Variants in CSMD1 observed in about 807,000 individuals in gnomAD.
CSMD1 encodes the protein CUB and Sushi multiple domains 1.
Under a neutral mutation model 417.5 loss-of-function variants are expected in CSMD1, and 213 were observed. The ratio of observed to expected loss-of-function variants is 0.51; its 90% CI spans 0.46 to 0.57. CSMD1 has a LOEUF of 0.57. Ranked by LOEUF, CSMD1 falls within the 20% of genes least tolerant of loss-of-function variation. The pLI is 0.00. For missense variants in CSMD1, 6,923 were observed against 4,529.7 expected, an observed-to-expected ratio of 1.53 and a Z score of -15.17; for synonymous variants, 2,862 against 1,736.8, an observed-to-expected ratio of 1.65 and a Z score of -16.11.
At chr8:3,969,880 C>G (rs546378953) in intron 5 of CSMD1, among the ~76,000 whole-genome samples, 9 of 152,252 alleles carry the variant, frequency 5.9e-5, no homozygotes, top group African/African-American at 1.9e-4. Context: ...AATTAGAAAG[C>G]AAAGCTCTGG....
At chr8:3,751,732 G>C (rs181656770) in intron 6 of CSMD1, among the ~76,000 whole-genome samples, 29 of 151,968 alleles carry the variant, frequency 1.9e-4, no homozygotes, top group Non-Finnish European at 2.9e-4. Flanking sequence ...TCTTGGAGCA[G>C]CTTCAAAGTT....
intron 3 of CSMD1, among the ~76,000 whole-genome samples, chr8:4,280,748 C>T (rs1238511070): frequency 5.9e-5 from 9 of 151,852 alleles, no homozygotes; most frequent in African/African-American, 2.2e-4. Flanking sequence ...TTCCTAGTAC[C>T]CATATTTTTA....
At chr8:3,212,397 A>G (rs773327998) in intron 30 of CSMD1, among the ~76,000 whole-genome samples, 1 of 152,136 alleles carries the variant, frequency 6.6e-6, no homozygotes, top group Non-Finnish European at 1.5e-5. Flanking sequence ...TGCCCAGGCT[A>G]TAGTGCAGTG....
chr8:4,969,971 T>TA (rs1810134629), intron 1 of CSMD1, among the ~76,000 whole-genome samples: 1 of 151,630 alleles, frequency 6.6e-6, no homozygotes, highest in South Asian at 2.1e-4. Flanking sequence ...GTATTTTACA[T>TA]ACGTACCATG....
chr8:4,214,388 C>T (rs576460599), intron 3 of CSMD1, among the ~76,000 whole-genome samples: 1 of 152,282 alleles, frequency 6.6e-6, no homozygotes, highest in South Asian at 2.1e-4. Flanking sequence ...ACCTCTGCCT[C>T]CTGGATTCAA....
chr8:3,328,596 T>C (rs1433411588), intron 23 of CSMD1, among the ~76,000 whole-genome samples: 1 of 152,228 alleles, frequency 6.6e-6, no homozygotes, highest in Admixed American at 6.5e-5. Context: ...CGCTCCAATG[T>C]ACATATAGTG....
chr8:4,467,304 A>T (rs1385042557), intron 2 of CSMD1, among the ~76,000 whole-genome samples: 1 of 152,162 alleles, frequency 6.6e-6, no homozygotes, highest in Non-Finnish European at 1.5e-5. Context: ...GGAAAGGAGG[A>T]GTCACTATAC....
chr8:4,915,161 T>A (rs1331137711), intron 1 of CSMD1, among the ~76,000 whole-genome samples: 1 of 152,128 alleles, frequency 6.6e-6, no homozygotes, highest in Admixed American at 6.6e-5. Flanking sequence ...ATGCTTATGA[T>A]TATATATATA....
intron 41 of CSMD1, among the ~76,000 whole-genome samples, chr8:3,137,316 CAAAT>C (rs1254119557): frequency 3.9e-5 from 6 of 152,314 alleles, no homozygotes; most frequent in Middle Eastern, 3.4e-3. Flanking sequence ...AGACCTCAAA[CAAAT>C]AAAGGCAAGC....
In CSMD1 at chr8:4,817,774, T is replaced by C. The variant is rs1305964066; in HGVS notation, c.85+176558A>G. Reference sequence around the variant, plus strand: ...TATCACGCTGAGTAGGTACTCTCAATGTGATTAGAAATACACCATCATGAG... The same window carrying C: ...TATCACGCTGAGTAGGTACTCTCAACGTGATTAGAAATACACCATCATGAG... On this transcript the variant is annotated intron_variant, in intron 1 of 69. Coordinates refer to ENST00000635120, the MANE Select transcript of CSMD1 (RefSeq NM_033225.6). Among the ~76,000 whole-genome samples the C allele has an allele frequency of 2.6e-5, 4 of 152,238 alleles. No individual in the cohort carries two copies. In the East Asian group the frequency reaches 5.8e-4, roughly 22 times the overall value.
intron 10 of CSMD1, among the ~76,000 whole-genome samples, chr8:3,502,261 A>G (rs1796633916): frequency 6.7e-6 from 1 of 150,304 alleles, no homozygotes; most frequent in South Asian, 2.2e-4. Flanking sequence ...GCTACTCGGG[A>G]GGCTGAGGCA....
chr8:4,826,913 C>T (rs1215272156), intron 1 of CSMD1, among the ~76,000 whole-genome samples: 2 of 152,146 alleles, frequency 1.3e-5, no homozygotes, highest in Non-Finnish European at 2.9e-5. Context: ...AATCTGAGCA[C>T]TTATCTAGTG....
intron 1 of CSMD1, among the ~76,000 whole-genome samples, chr8:4,728,717 G>A (rs944972134): frequency 1.4e-4 from 22 of 151,812 alleles, no homozygotes; most frequent in Admixed American, 3.3e-4. Context: ...ATTTGTGATC[G>A]TATTTCAGTA....
intron 3 of CSMD1, among the ~76,000 whole-genome samples, chr8:4,180,338 A>G (rs946570200): frequency 1.2e-4 from 18 of 150,872 alleles, no homozygotes; most frequent in East Asian, 2.0e-4. Flanking sequence ...CAAAAAACCA[A>G]ACAATGCATG....
At chr8:4,029,086 T>C (rs1797210943) in intron 4 of CSMD1, among the ~76,000 whole-genome samples, 1 of 152,202 alleles carries the variant, frequency 6.6e-6, no homozygotes, top group African/African-American at 2.4e-5. Context: ...TCTTAAAATA[T>C]ACACATTAAA....
chr8:4,209,708 T>C (rs185059520), intron 3 of CSMD1, among the ~76,000 whole-genome samples: 28 of 152,204 alleles, frequency 1.8e-4, no homozygotes, highest in African/African-American at 6.0e-4. Context: ...CACAGCAACT[T>C]TTATTGACTG....
intron 3 of CSMD1, among the ~76,000 whole-genome samples, chr8:4,388,275 A>G (rs1289016589): frequency 6.6e-6 from 1 of 151,286 alleles, no homozygotes; most frequent in African/African-American, 2.4e-5. Flanking sequence ...CCAAATATCC[A>G]TCAAACAAGT....
At chr8:3,670,799 G>A (rs567438170) in intron 7 of CSMD1, among the ~76,000 whole-genome samples, 1 of 150,290 alleles carries the variant, frequency 6.7e-6, no homozygotes, top group Non-Finnish European at 1.5e-5. Flanking sequence ...CATGTATATG[G>A]GATATATATG....
intron 5 of CSMD1, among the ~76,000 whole-genome samples, chr8:3,933,821 T>G (rs992058052): frequency 2.6e-5 from 4 of 152,198 alleles, no homozygotes; most frequent in Non-Finnish European, 4.4e-5. Flanking sequence ...TTAAAACCAA[T>G]TAGTCCAACA....
Sources: allele counts gnomAD v4.1 joint callset (sites outside exome capture counted in the v4.1 genomes callset), GRCh38; gene constraint gnomAD v4.1.1; transcripts MANE v1.5; gene names NCBI Gene and HGNC (gene_info 2026-07-23, HGNC 2026-07-21).